Variants in HS2ST1 observed in about 807,000 individuals in gnomAD.
The protein encoded by HS2ST1 is heparan sulfate 2-O-sulfotransferase 1.
In HS2ST1, 18 loss-of-function variants were observed where a neutral mutation model predicts 42.9. That is an observed-to-expected ratio of 0.42 (90% CI 0.29 to 0.62). The LOEUF (loss-of-function observed/expected upper bound fraction) is 0.62. Ranked by LOEUF, HS2ST1 falls within the 20% of genes least tolerant of loss-of-function variation. The pLI is 0.21. For synonymous variants in HS2ST1, 146 were observed against 152.9 expected (o/e 0.95, Z 0.33); for missense variants, 334 against 433.8 (o/e 0.77, Z 2.04).
intron 4 of HS2ST1, among the ~76,000 whole-genome samples, chr1:87,094,232 T>A (rs904020526): frequency 9.2e-5 from 14 of 151,988 alleles, no homozygotes; most frequent in African/African-American, 3.1e-4. Context: ...AGGAAAAGAT[T>A]GCAGTCATGT....
chr1:86,973,626 G>A (rs1648303494), intron 1 of HS2ST1, among the ~76,000 whole-genome samples: 2 of 152,124 alleles, frequency 1.3e-5, no homozygotes, highest in Admixed American at 6.5e-5. Context: ...GTGGGAAGTT[G>A]ACCCAAAGGG....
intron 1 of HS2ST1, among the ~76,000 whole-genome samples, chr1:87,029,323 A>G (rs755011523): frequency 6.6e-6 from 1 of 152,144 alleles, no homozygotes; most frequent in Non-Finnish European, 1.5e-5. Context: ...TAGAATTTCT[A>G]CACATGGTTT....
intron 1 of HS2ST1, among the ~76,000 whole-genome samples, chr1:87,003,290 G>GAA (rs5775928): frequency 3.4e-4 from 52 of 152,038 alleles, no homozygotes; most frequent in Admixed American, 3.0e-3. Flanking sequence ...AGATTCAGGA[G>GAA]AAAAAAATAG....
At chr1:86,964,607 C>T (rs1419852846) in intron 1 of HS2ST1, among the ~76,000 whole-genome samples, 2 of 152,172 alleles carry the variant, frequency 1.3e-5, no homozygotes, top group Non-Finnish European at 2.9e-5. Context: ...AGCTTCGGCT[C>T]GGCATCAGAG....
In HS2ST1 at chr1:87,109,787, C is replaced by G. The variant is rs983955528; in HGVS notation, c.*5091C>G. ...GAGAATCAAAGGGATCTGCATTTAG[C>G]AATGTGATGTCAGTAAATGGACATA... On this transcript the variant is annotated 3_prime_UTR_variant, in exon 7 of 7. Coordinates refer to ENST00000370550, the MANE Select transcript of HS2ST1 (RefSeq NM_012262.4). 6.6e-6 allele frequency: 1 copy of G among 151,990 alleles called. No homozygotes were observed. The highest frequency in any genetic ancestry group is 2.4e-5 in the African/African-American group (1 of 41,392). The allele number at this position is 151,990 out of a possible 1,614,324, so 9.4% of individuals were successfully genotyped here.
intron 1 of HS2ST1, among the ~76,000 whole-genome samples, chr1:86,985,662 A>G (rs946695866): frequency 1.3e-5 from 2 of 151,616 alleles, no homozygotes; most frequent in Admixed American, 6.6e-5. Context: ...AATAACAACA[A>G]CCTATGTTGT....
intron 1 of HS2ST1, among the ~76,000 whole-genome samples, chr1:86,953,686 G>A (rs113374658): frequency 0.014 from 2,118 of 152,208 alleles, 56 homozygotes; most frequent in African/African-American, 0.048. Flanking sequence ...TTGAACCTGG[G>A]AGATGGAGGT....
chr1:87,044,785 A>G (rs1193265661), intron 1 of HS2ST1: 2 of 515,944 alleles, frequency 3.9e-6, no homozygotes. Flanking sequence ...AGTTCTAGCA[A>G]AATGAATGCT....
At chr1:86,992,975 C>A (rs542027194) in intron 1 of HS2ST1, 1 of 1,227,852 alleles carries the variant, frequency 8.1e-7, no homozygotes, top group African/African-American at 1.5e-5. Flanking sequence ...TCACATTCTT[C>A]TTGGCGTCTG....
At chr1:86,961,879 G>A (rs1023225516) in intron 1 of HS2ST1, among the ~76,000 whole-genome samples, 25 of 151,958 alleles carry the variant, frequency 1.6e-4, no homozygotes, top group African/African-American at 4.8e-4. Context: ...GACCTTTTTT[G>A]TGTGGCTTCT....
At chr1:86,983,498 C>A (rs545617637) in intron 1 of HS2ST1, among the ~76,000 whole-genome samples, 1 of 152,182 alleles carries the variant, frequency 6.6e-6, no homozygotes, top group African/African-American at 2.4e-5. Flanking sequence ...GGGTAAACCA[C>A]CCTTATGATC....
intron 1 of HS2ST1, among the ~76,000 whole-genome samples, chr1:87,071,945 GCTC>G (rs1247292631): frequency 5.8e-4 from 88 of 151,966 alleles, no homozygotes; most frequent in African/African-American, 1.9e-3. Flanking sequence ...GAGATTTCAC[GCTC>G]CTCATTTCCT....
intron 1 of HS2ST1, among the ~76,000 whole-genome samples, chr1:87,071,879 G>A (rs1651420892): frequency 6.6e-6 from 1 of 152,112 alleles, no homozygotes; most frequent in East Asian, 1.9e-4. Flanking sequence ...TGGGGGTTAA[G>A]AGAGTACGTG....
At chr1:86,963,535 G>A (rs1011989533) in intron 1 of HS2ST1, among the ~76,000 whole-genome samples, 9 of 152,172 alleles carry the variant, frequency 5.9e-5, no homozygotes, top group African/African-American at 1.9e-4. Flanking sequence ...GAACAAAATG[G>A]AGTCTCCTAT....
At chr1:87,083,379 T>C (rs950028934) in intron 2 of HS2ST1, among the ~76,000 whole-genome samples, 6 of 152,212 alleles carry the variant, frequency 3.9e-5, no homozygotes, top group Non-Finnish European at 8.8e-5. Context: ...TTCTGCACTC[T>C]ATCTAGGTTC....
chr1:87,015,438 C>T (rs1199668937), intron 1 of HS2ST1, among the ~76,000 whole-genome samples: 1 of 148,944 alleles, frequency 6.7e-6, no homozygotes, highest in Non-Finnish European at 1.5e-5. Context: ...AGCTCTGCTT[C>T]CCAGGTTCAC....
intron 5 of HS2ST1, among the ~76,000 whole-genome samples, chr1:87,100,452 C>T (rs904780817): frequency 6.6e-6 from 1 of 152,144 alleles, no homozygotes; most frequent in East Asian, 1.9e-4. Context: ...ATCATTCTTC[C>T]CCCCAAGGCT....
chr1:86,915,799 G>C (rs1055873209), intron 1 of HS2ST1, among the ~76,000 whole-genome samples: 11 of 152,178 alleles, frequency 7.2e-5, no homozygotes, highest in African/African-American at 2.7e-4. Context: ...CGGAAATGAG[G>C]GTCCGGAGAT....
chr1:87,074,295 A>G (rs1358958444), intron 2 of HS2ST1, among the ~76,000 whole-genome samples: 5 of 152,220 alleles, frequency 3.3e-5, no homozygotes, highest in Admixed American at 2.0e-4. Flanking sequence ...CATAAAAACT[A>G]TTCATTATGT....
Sources: allele counts gnomAD v4.1 joint callset (sites outside exome capture counted in the v4.1 genomes callset), GRCh38; gene constraint gnomAD v4.1.1; transcripts MANE v1.5; gene names NCBI Gene and HGNC (gene_info 2026-07-23, HGNC 2026-07-21).